The following PTPRD variants were observed in gnomAD, a reference collection of about 807,000 sequenced individuals.
PTPRD encodes receptor-type tyrosine-protein phosphatase delta.
In PTPRD, 34 loss-of-function variants were observed where a neutral mutation model predicts 214.5. The ratio of observed to expected loss-of-function variants is 0.16; its 90% CI spans 0.12 to 0.21. PTPRD has a LOEUF of 0.21. Among genes scored for constraint, PTPRD ranks in the 10% least tolerant of loss-of-function variants. The probability of loss-of-function intolerance (pLI) is 1.00; values close to 1 mark genes in which losing one functional copy is unlikely to be tolerated. For synonymous variants in PTPRD, 1,128 were observed against 845.7 expected (o/e 1.33, Z -5.79); for missense variants, 2,545 against 2,398.7 (o/e 1.06, Z -1.27).
intron 3 of PTPRD, among the ~76,000 whole-genome samples, chr9:10,061,513 T>C (rs150309995): frequency 7.9e-5 from 12 of 152,220 alleles, no homozygotes; most frequent in African/African-American, 2.9e-4. Flanking sequence ...GAGATTGCTT[T>C]GAAGACTAAG....
chr9:9,091,385 T>C (rs1308760180), intron 10 of PTPRD: 7 of 669,776 alleles, frequency 1.0e-5, no homozygotes, highest in African/African-American at 3.6e-5. Context: ...CCAATCACCT[T>C]ATGACTCTGG....
At chr9:8,585,392 C>G (rs989085497) in intron 14 of PTPRD, among the ~76,000 whole-genome samples, 5 of 152,184 alleles carry the variant, frequency 3.3e-5, no homozygotes, top group Admixed American at 3.3e-4. Context: ...AATCACTAAA[C>G]TACACCAACT....
At chr9:8,919,250 G>A (rs900250306) in intron 11 of PTPRD, among the ~76,000 whole-genome samples, 5 of 151,964 alleles carry the variant, frequency 3.3e-5, no homozygotes, top group Non-Finnish European at 7.4e-5. Context: ...AAAATTAGCT[G>A]GGCGTGGTGG....
rs139224808 is a variant in PTPRD at position 10,515,884 on chromosome 9, C to A, written c.-600+96514G>T. Among the ~76,000 whole-genome samples, 73 of 152,028 alleles carry A rather than the reference C, an allele frequency of 4.8e-4. No homozygotes were observed. The East Asian group carries it at 0.014, about 29-fold the overall frequency. On this transcript the variant is annotated intron_variant, in intron 2 of 45. Coordinates refer to ENST00000381196, the MANE Select transcript of PTPRD (RefSeq NM_002839.4). The stretch of plus-strand genomic sequence containing the variant: ...TACCTAGCATAATATCCTCAAGGCT[C>A]ATCCATGTTGTCACATATGGCAGAA...
Position 10,042,745 on chromosome 9 carries a change from C to G in PTPRD, c.-544-8955G>C, listed in dbSNP as rs150632952. Among the ~76,000 whole-genome samples the G allele has an allele frequency of 5.8e-3, 875 of 152,030 alleles. 6 individuals carry two copies. The highest frequency in any genetic ancestry group is 0.014 in the Middle Eastern group (4 of 294). ...TGGTAGGTGTAGCTTGGCACCAACA[C>G]TAGCATACACTGTCCTTTTCCCCAC... is the stretch of plus-strand genomic sequence containing the variant. On this transcript the variant is annotated intron_variant, in intron 3 of 45. Transcript: ENST00000381196.
chr9:9,425,381 T>C (rs1056795351), intron 8 of PTPRD, among the ~76,000 whole-genome samples: 7 of 71,736 alleles, frequency 9.8e-5, no homozygotes, highest in African/African-American at 3.7e-4. Context: ...TATTATAATA[T>C]CTTATACATT....
chr9:9,661,923 T>C (rs1221151494), intron 7 of PTPRD, among the ~76,000 whole-genome samples: 1 of 151,730 alleles, frequency 6.6e-6, no homozygotes, highest in Admixed American at 6.6e-5. Context: ...GAACAGTGAA[T>C]TTAATCATCT....
chr9:9,627,999 A>G (rs2095475446), intron 7 of PTPRD, among the ~76,000 whole-genome samples: 1 of 152,186 alleles, frequency 6.6e-6, no homozygotes, highest in African/African-American at 2.4e-5. Flanking sequence ...GATACTCTTC[A>G]ACAACTGCTT....
chr9:9,684,001 C>T (rs531237357), intron 7 of PTPRD, among the ~76,000 whole-genome samples: 3 of 151,500 alleles, frequency 2.0e-5, no homozygotes, highest in Non-Finnish European at 4.4e-5. Context: ...ACAGTGAGGG[C>T]TTCTTTGTAG....
intron 3 of PTPRD, among the ~76,000 whole-genome samples, chr9:10,139,326 T>TA (rs776590948): frequency 1.1e-4 from 17 of 149,346 alleles, no homozygotes; most frequent in African/African-American, 2.7e-4. Context: ...ATCAAGGAGA[T>TA]AAAAAAAACT....
intron 6 of PTPRD, among the ~76,000 whole-genome samples, chr9:9,738,439 C>CTTTT (rs71319292): frequency 0.022 from 1,681 of 76,388 alleles, 424 homozygotes; most frequent in African/African-American, 0.093. Flanking sequence ...CACTCACTCA[C>CTTTT]TTTTTTTTTT....
intron 3 of PTPRD, among the ~76,000 whole-genome samples, chr9:10,119,966 T>C (rs1286496324): frequency 1.3e-5 from 2 of 152,052 alleles, no homozygotes; most frequent in Non-Finnish European, 2.9e-5. Flanking sequence ...CTTCAAGTGT[T>C]TATTATTATG....
intron 35 of PTPRD, among the ~76,000 whole-genome samples, chr9:8,423,100 C>T (rs1028661422): frequency 6.6e-6 from 1 of 152,074 alleles, no homozygotes; most frequent in Admixed American, 6.6e-5. Context: ...AGAATCTGAA[C>T]GTTATTACAT....
chr9:9,165,120 A>G (rs1290597542), intron 10 of PTPRD, among the ~76,000 whole-genome samples: 1 of 152,084 alleles, frequency 6.6e-6, no homozygotes, highest in African/African-American at 2.4e-5. Flanking sequence ...TTCAATAAAC[A>G]TTTATTGAAC....
intron 14 of PTPRD, among the ~76,000 whole-genome samples, chr9:8,606,292 G>A (rs903213888): frequency 1.3e-5 from 2 of 152,136 alleles, no homozygotes; most frequent in African/African-American, 4.8e-5. Flanking sequence ...TCTACAATTA[G>A]AGAATGCTAA....
intron 11 of PTPRD, among the ~76,000 whole-genome samples, chr9:8,736,266 C>A (rs2090352292): frequency 6.6e-6 from 1 of 152,128 alleles, no homozygotes; most frequent in Admixed American, 6.5e-5. Context: ...ATAGAACCCT[C>A]AATAAATCTA....
Position 9,500,855 on chromosome 9 carries a change from C to T in PTPRD, c.-237+73877G>A, listed in dbSNP as rs1031661310. Among the ~76,000 whole-genome samples, 40 of 151,860 alleles carry T rather than the reference C, an allele frequency of 2.6e-4. 1 individual carries two copies. The highest frequency in any genetic ancestry group is 2.6e-3 in the Admixed American group (40 of 15,202). ...GTAGAATTGAAACATTTGATCAAAG[C>T]ACAACGGATGATTCTAAATGGACTT... On this transcript the variant is annotated intron_variant, in intron 8 of 45. Transcript: ENST00000381196.
At chr9:8,599,879 A>C (rs1374743951) in intron 14 of PTPRD, among the ~76,000 whole-genome samples, 1 of 151,968 alleles carries the variant, frequency 6.6e-6, no homozygotes, top group African/African-American at 2.4e-5. Context: ...GGCCCCCCAA[A>C]TTGCTGGAAT....
intron 2 of PTPRD, among the ~76,000 whole-genome samples, chr9:10,520,798 C>G (rs945020310): frequency 1.3e-5 from 2 of 151,990 alleles, no homozygotes; most frequent in African/African-American, 4.8e-5. Flanking sequence ...ATAAATGGAA[C>G]AACAAAGCCT....
Sources: allele counts gnomAD v4.1 joint callset (sites outside exome capture counted in the v4.1 genomes callset), GRCh38; gene constraint gnomAD v4.1.1; transcripts MANE v1.5; gene names NCBI Gene and HGNC (gene_info 2026-07-23, HGNC 2026-07-21).